L3HYPDH: variants seen among roughly 807,000 people sequenced by gnomAD.
L3HYPDH encodes trans-L-3-hydroxyproline dehydratase, also known as trans-3-hydroxy-L-proline dehydratase.
Under a neutral mutation model 26.5 loss-of-function variants are expected in L3HYPDH, and 32 were observed. That is an observed-to-expected ratio of 1.21 (90% CI 0.91 to 1.62). The LOEUF is 1.62. Ranked by LOEUF, L3HYPDH falls within the 40% of genes most tolerant of loss-of-function variation. The pLI, the probability that L3HYPDH is intolerant of heterozygous loss-of-function variation, is 0.00. For synonymous variants in L3HYPDH, 215 were observed against 196.6 expected, an observed-to-expected ratio of 1.09 and a Z score of -0.78; for missense variants, 554 against 476.4, an observed-to-expected ratio of 1.16 and a Z score of -1.52.
the L3HYPDH span, among the ~76,000 whole-genome samples, chr14:59,491,006 G>C: frequency 6.6e-6 from 1 of 152,328 alleles, no homozygotes; most frequent in African/African-American, 2.4e-5. Context: ...GGTTTAAAAA[G>C]AGGGAGTTGT....
At chr14:59,486,689 A>G, upstream of L3HYPDH, 4 of 1,462,768 alleles carry the variant, frequency 2.7e-6, no homozygotes, top group African/African-American at 1.4e-5. Context: ...AGATGTTACT[A>G]TACTGGCATT....
chr14:59,492,410 C>A, the L3HYPDH span, among the ~76,000 whole-genome samples: 1 of 152,060 alleles, frequency 6.6e-6, no homozygotes, highest in Non-Finnish European at 1.5e-5. Flanking sequence ...TGGGAGTGGT[C>A]CAGGCTTAAA....
intron 1 of L3HYPDH, among the ~76,000 whole-genome samples, chr14:59,480,010 G>C (rs985859057): frequency 1.3e-5 from 2 of 152,126 alleles, no homozygotes; most frequent in African/African-American, 4.8e-5. Context: ...TTGAAATCTT[G>C]AATCTGTATT....
chr14:59,483,946 G>C lies in L3HYPDH; in HGVS notation c.371C>G (p.Pro124Arg). The C allele has an allele frequency of 1.3e-6, 2 of 1,558,020 alleles. No homozygotes were observed. Among genetic ancestry groups the C allele is most frequent in the Non-Finnish European group, 1.7e-6 (2 of 1,157,536 alleles). The change falls in exon 1 of 5, where the codon CCC (proline) becomes CGC (arginine). Residue 124 changes from proline to arginine, a missense_variant. Pro to Arg is a moderately radical substitution (Grantham distance 103). Coordinates refer to ENST00000247194, the MANE Select transcript of L3HYPDH (RefSeq NM_144581.2). The part of the protein sequence containing the change: ...FALDFGLVPA[P>R]PAGTREARVN... ...GCGGGCCTCGCGGGTGCCCGCAGGGGGCGCCGGCACAAGCCCGAAGTCCAA... is the reference window on the plus strand; with the variant it reads ...GCGGGCCTCGCGGGTGCCCGCAGGGCGCGCCGGCACAAGCCCGAAGTCCAA...
chr14:59,504,031 G>A, the L3HYPDH span: 18 of 1,613,498 alleles, frequency 1.1e-5, no homozygotes, highest in Middle Eastern at 1.6e-4. Context: ...AAAATTTACC[G>A]AACCTTCAAG....
At chr14:59,491,379 G>A in the L3HYPDH span, among the ~76,000 whole-genome samples, 1 of 152,162 alleles carries the variant, frequency 6.6e-6, no homozygotes, top group South Asian at 2.1e-4. Context: ...ATTTCATTTT[G>A]TAAAGATTAT....
At chr14:59,474,040 G>T (rs1367605386) in intron 4 of L3HYPDH, among the ~76,000 whole-genome samples, 1 of 152,134 alleles carries the variant, frequency 6.6e-6, no homozygotes, top group Non-Finnish European at 1.5e-5. Context: ...ATTTTTAAAA[G>T]AATAATAACT....
At chr14:59,501,231 T>A in the L3HYPDH span, 1 of 1,606,238 alleles carries the variant, frequency 6.2e-7, no homozygotes, top group Non-Finnish European at 8.5e-7. Context: ...TATCTTTGGT[T>A]ACTCTGGCTG....
At chr14:59,484,855 CTTAGT>C (rs1890405893), upstream of L3HYPDH, 3 of 1,119,816 alleles carry the variant, frequency 2.7e-6, no homozygotes, top group East Asian at 5.2e-5. Context: ...TCTTCAGTCC[CTTAGT>C]TTAATGTCGA....
Position 59,474,098 on chromosome 14 carries a change from CTT to C in L3HYPDH, c.940-1010_940-1009del, listed in dbSNP as rs1172316850. Among the ~76,000 whole-genome samples, 6 of 152,086 alleles carry C rather than the reference CTT, an allele frequency of 3.9e-5. No homozygotes were observed. In the East Asian group the frequency reaches 1.2e-3, roughly 29 times the overall value. On this transcript the variant is annotated intron_variant, in intron 4 of 4. Transcript: ENST00000247194. ...ATATTGTTAGGGTATAATACTTTAT[CTT>C]TTTATATCTTTTTATAAAGCTGCTG... is the stretch of plus-strand genomic sequence containing the variant.
At chr14:59,486,012 G>C (rs1398226643), upstream of L3HYPDH, 1 of 152,172 alleles carries the variant, frequency 6.6e-6, no homozygotes, top group South Asian at 2.1e-4. Flanking sequence ...CAAAGACAAC[G>C]TATTAGGTTC....
chr14:59,487,171 C>G (rs1232628327), upstream of L3HYPDH: 1 of 160,448 alleles, frequency 6.2e-6, no homozygotes, highest in African/African-American at 2.4e-5. Flanking sequence ...CCACTGCATT[C>G]CAGCGTGGGC....
At chr14:59,488,364 A>G (rs2139861505), upstream of L3HYPDH, among the ~76,000 whole-genome samples, 1 of 152,288 alleles carries the variant, frequency 6.6e-6, no homozygotes, top group East Asian at 1.9e-4. Context: ...ATAATTATAA[A>G]TCAGTCTTAG....
the L3HYPDH span, chr14:59,504,806 A>C: frequency 2.0e-5 from 3 of 153,546 alleles, no homozygotes; most frequent in Non-Finnish European, 2.9e-5. Flanking sequence ...GTATATATAC[A>C]TACCATATTT....
chr14:59,483,905 G>A lies in L3HYPDH; in HGVS notation c.412C>T (p.Pro138Ser), dbSNP rs201988078. 4,670 of 1,562,722 alleles carry A rather than the reference G, an allele frequency of 3.0e-3. 13 individuals are homozygous for A. The highest frequency in any genetic ancestry group is 3.6e-3 in the Non-Finnish European group (4,210 of 1,160,394). ...TREARVNIHC[P>S]CGLVTAFVAC... Reference sequence around the variant, plus strand: ...ACGAAGGCGGTCACCAGCCCGCAGGGGCAGTGGATATTGACGCGGGCCTCG... The same window carrying A: ...ACGAAGGCGGTCACCAGCCCGCAGGAGCAGTGGATATTGACGCGGGCCTCG... Residue 138 changes from proline (P) to serine (S), a missense_variant, in exon 1 of 5, where the codon CCC becomes TCC. Coordinates refer to ENST00000247194, the MANE Select transcript of L3HYPDH (RefSeq NM_144581.2).
the L3HYPDH span, among the ~76,000 whole-genome samples, chr14:59,501,882 T>C: frequency 6.6e-6 from 1 of 152,162 alleles, no homozygotes; most frequent in Non-Finnish European, 1.5e-5. Flanking sequence ...TTTAAAAAAT[T>C]GTGTATGTCT....
chr14:59,503,837 T>C, the L3HYPDH span: 1 of 1,549,756 alleles, frequency 6.5e-7, no homozygotes, highest in Admixed American at 1.7e-5. Flanking sequence ...TTTTCTTTCT[T>C]TTACAAAATT....
At chr14:59,488,626 C>T (rs1002804367), upstream of L3HYPDH, among the ~76,000 whole-genome samples, 2 of 152,054 alleles carry the variant, frequency 1.3e-5, no homozygotes, top group African/African-American at 2.4e-5. Context: ...TAGGTTGAGG[C>T]CAGAATGTGA....
downstream of L3HYPDH, among the ~76,000 whole-genome samples, chr14:59,471,509 G>A (rs545709227): frequency 6.6e-6 from 1 of 152,286 alleles, no homozygotes; most frequent in African/African-American, 2.4e-5. Context: ...TGATAAAGGG[G>A]TGTGCTGTCT....
Sources: allele counts gnomAD v4.1 joint callset (sites outside exome capture counted in the v4.1 genomes callset), GRCh38; gene constraint gnomAD v4.1.1; transcripts MANE v1.5; gene names NCBI Gene and HGNC (gene_info 2026-07-23, HGNC 2026-07-21).